The following ACO2 variants were observed in gnomAD, a reference collection of about 807,000 sequenced individuals.
The protein encoded by ACO2 is aconitate hydratase, mitochondrial.
Under a neutral mutation model 84.5 loss-of-function variants are expected in ACO2, and 31 were observed. The ratio of observed to expected loss-of-function variants is 0.37; its 90% CI spans 0.28 to 0.50. The LOEUF (loss-of-function observed/expected upper bound fraction) is 0.50. ACO2 is among the 20% of genes least tolerant of loss of function. ACO2 has a pLI of 0.97. For synonymous variants in ACO2, 414 were observed against 412.7 expected, an observed-to-expected ratio of 1.00 and a Z score of -0.04; for missense variants, 685 against 1,029.3, an observed-to-expected ratio of 0.67 and a Z score of 4.58.
intron 1 of ACO2, among the ~76,000 whole-genome samples, chr22:41,478,281 G>T (rs2038044179): frequency 6.6e-6 from 1 of 151,976 alleles, no homozygotes; most frequent in Non-Finnish European, 1.5e-5. Flanking sequence ...GGGATCACAG[G>T]CACGCACCAC....
Position 41,478,064 on chromosome 22 carries a change from C to CA in ACO2, c.36+8892dup, listed in dbSNP as rs929775640. Among the ~76,000 whole-genome samples, 122 of 145,858 alleles carry CA rather than the reference C, an allele frequency of 8.4e-4. 1 individual carries two copies. The highest frequency in any genetic ancestry group is 1.9e-3 in the Admixed American group (28 of 14,618). ...TGGGCAACAGAGCGAGACTCTGTCT[C>CA]AAAAAAAAAACCAAACCAGTTGTGA... On this transcript the variant is annotated intron_variant, in intron 1 of 17. Coordinates refer to ENST00000216254, the MANE Select transcript of ACO2 (RefSeq NM_001098.3).
rs753640444 is a variant in ACO2 at position 41,527,942 on chromosome 22, G to A, written c.2128G>A (p.Ala710Thr). 9 of 1,614,036 alleles carry A rather than the reference G, an allele frequency of 5.6e-6. No individual in the cohort carries two copies. In the Admixed American group the frequency reaches 1.0e-4, roughly 18 times the overall value. ...ACAGGGCCTGCTGCCTCTGACCTTCGCTGACCCGGCTGACTACAACAAGAT... is the reference window on the plus strand; with the variant it reads ...ACAGGGCCTGCTGCCTCTGACCTTCACTGACCCGGCTGACTACAACAAGAT... ...KKQGLLPLTF[A>T]DPADYNKIHP... The change falls in exon 17 of 18, where the codon GCT (alanine) becomes ACT (threonine). Residue 710 changes from alanine (A) to threonine (T), a missense_variant. By Grantham distance (58) the Ala-to-Thr change is moderately conservative. Coordinates refer to ENST00000216254, the MANE Select transcript of ACO2 (RefSeq NM_001098.3).
At chr22:41,490,713 C>T (rs769381039) in intron 1 of ACO2, among the ~76,000 whole-genome samples, 6 of 152,184 alleles carry the variant, frequency 3.9e-5, no homozygotes, top group Non-Finnish European at 7.3e-5. Context: ...CTAAAAGCAT[C>T]TAAGACTGAT....
At chr22:41,505,714 A>G (rs146850596) in intron 2 of ACO2, among the ~76,000 whole-genome samples, 156 of 152,250 alleles carry the variant, frequency 1.0e-3, no homozygotes, top group African/African-American at 3.6e-3. Flanking sequence ...AGTAAATGCT[A>G]CGATAACGCT....
intron 8 of ACO2, among the ~76,000 whole-genome samples, chr22:41,518,786 A>T (rs1007891511): frequency 4.7e-4 from 72 of 152,058 alleles, no homozygotes; most frequent in Non-Finnish European, 1.3e-4. Context: ...AAAAAAAAAA[A>T]AATACAAAAA....
At chr22:41,502,441 C>T (rs543525616) in intron 2 of ACO2, among the ~76,000 whole-genome samples, 21 of 152,252 alleles carry the variant, frequency 1.4e-4, no homozygotes, top group Middle Eastern at 6.8e-3. Flanking sequence ...GCAGTCAGGA[C>T]GAAGAACCAC....
chr22:41,523,849 G>T lies in ACO2; in HGVS notation c.1390G>T (p.Glu464Ter), dbSNP rs1601927180. 1 of 1,612,080 alleles carries T rather than the reference G, an allele frequency of 6.2e-7. No homozygotes were observed. The highest frequency in any genetic ancestry group is 8.5e-7 in the Non-Finnish European group (1 of 1,180,002). ...TGGCAGGAAGGACATCAAGAAGGGG[G>T]AGAAGAACACAATCGTCACCTCCTA... is the stretch of plus-strand genomic sequence containing the variant. Reference protein sequence around the residue: ...QWDRKDIKKGEKNTIVTSYNR... With the variant: ...QWDRKDIKKG The change falls in exon 12 of 18, where the codon GAG becomes TAG. Residue 464 changes from glutamate to a stop codon, truncating the protein, a stop_gained. Coordinates refer to ENST00000216254, the MANE Select transcript of ACO2 (RefSeq NM_001098.3). LOFTEE classifies it high-confidence loss of function.
At position 41,518,466 on chromosome 22, in the gene ACO2, C is replaced by T. The variant is rs762350350; in HGVS notation, c.941-15C>T. 6 of 1,602,108 alleles carry T rather than the reference C, an allele frequency of 3.7e-6. No homozygotes were observed. The South Asian group carries it at 5.5e-5, about 15-fold the overall frequency. ...ATGTTTCACGTGCTCCATCCCCGTC[C>T]CTTGTTGATTTCAGACATTGCCAAT... On this transcript the variant is annotated splice_polypyrimidine_tract_variant and intron_variant, in intron 7 of 17. Coordinates refer to ENST00000216254, the MANE Select transcript of ACO2 (RefSeq NM_001098.3).
At chr22:41,513,240 G>A (rs955022940) in intron 4 of ACO2, among the ~76,000 whole-genome samples, 1 of 152,226 alleles carries the variant, frequency 6.6e-6, no homozygotes, top group African/African-American at 2.4e-5. Flanking sequence ...AAATGCCCAG[G>A]CCTTTATGGC....
intron 1 of ACO2, among the ~76,000 whole-genome samples, chr22:41,481,893 C>G (rs953311461): frequency 6.6e-6 from 1 of 151,990 alleles, no homozygotes; most frequent in Non-Finnish European, 1.5e-5. Flanking sequence ...TTTTTTGTCC[C>G]CATGGAGCTT....
At chr22:41,503,086 C>T (rs1239399014) in intron 2 of ACO2, among the ~76,000 whole-genome samples, 6 of 152,326 alleles carry the variant, frequency 3.9e-5, no homozygotes, top group Admixed American at 3.9e-4. Flanking sequence ...GAGTATTATT[C>T]ACTATTTAGT....
At chr22:41,482,672 G>A (rs1569002304) in intron 1 of ACO2, among the ~76,000 whole-genome samples, 1 of 152,202 alleles carries the variant, frequency 6.6e-6, no homozygotes, top group Non-Finnish European at 1.5e-5. Flanking sequence ...AGCCTCATTT[G>A]ATCTGGTTCC....
intron 1 of ACO2, 134 bp from the exon 2 acceptor site, chr22:41,499,592 G>A (rs2066339041): frequency 1.0e-6 from 1 of 958,446 alleles, no homozygotes; most frequent in Non-Finnish European, 1.5e-6. Flanking sequence ...TGCAGATGAG[G>A]AAGCTGAGGC....
At chr22:41,470,326 G>C (rs1389708285) in intron 1 of ACO2, among the ~76,000 whole-genome samples, 1 of 152,076 alleles carries the variant, frequency 6.6e-6, no homozygotes, top group East Asian at 1.9e-4. Flanking sequence ...GTTGTTATGC[G>C]TTGTACTCTC....
At chr22:41,499,902 T>G (rs1439205769) in intron 2 of ACO2, 40 bp downstream of exon 2, 3 of 1,605,500 alleles carry the variant, frequency 1.9e-6, no homozygotes, top group Non-Finnish European at 2.6e-6. Context: ...TCAAGGGCAT[T>G]GCGTCTGCTG....
rs1281223921 is a variant in ACO2, at chr22:41,516,040, G to A, written c.835+123G>A. 4.5e-6 allele frequency: 6 copies of A among 1,326,872 alleles called. No individual in the cohort carries two copies. The South Asian group carries it at 7.5e-5, about 17-fold the overall frequency. 82.2% of individuals were successfully genotyped at this position (1,326,872 alleles called of 1,614,324 possible). A position where few individuals can be genotyped will look rare whatever the true frequency, so the allele number is the denominator to read the frequency against. ...TCTGTCTGTTCCATTTGGGGACTTGGGATAGACAGAGGTAGAAGGAAAATT... is the reference window on the plus strand; with the variant it reads ...TCTGTCTGTTCCATTTGGGGACTTGAGATAGACAGAGGTAGAAGGAAAATT... On this transcript the variant is annotated intron_variant, in intron 6 of 17. Transcript: ENST00000216254.
intron 3 of ACO2, among the ~76,000 whole-genome samples, chr22:41,510,677 G>C (rs1205778868): frequency 6.6e-6 from 1 of 152,144 alleles, no homozygotes; most frequent in African/African-American, 2.4e-5. Context: ...TTTTGTTACT[G>C]GGGTCAGTCT....
intron 17 of ACO2, 134 bp from the exon 18 acceptor site, chr22:41,528,345 C>T (rs1247633504): frequency 1.5e-6 from 2 of 1,314,694 alleles, no homozygotes; most frequent in African/African-American, 1.5e-5. Flanking sequence ...CCATCAGGCA[C>T]AGACTGGCCT....
chr22:41,469,310 T>A, intron 1 of ACO2, 128 bp downstream of exon 1: 1 of 1,174,424 alleles, frequency 8.5e-7, no homozygotes, highest in Non-Finnish European at 1.2e-6. Context: ...GTCCCGGTTG[T>A]GGGCCCGGCA....
Sources: gnomAD v4.1 joint callset for allele counts (sites outside exome capture counted in the v4.1 genomes callset) on GRCh38, gnomAD v4.1.1 for gene constraint, MANE v1.5 for transcripts, NCBI Gene and HGNC (gene_info 2026-07-23, HGNC 2026-07-21) for gene names.